The following SLC24A3 variants were observed in gnomAD, a reference collection of about 807,000 sequenced individuals.
The protein encoded by SLC24A3 is solute carrier family 24 member 3.
Under a neutral mutation model 75.8 loss-of-function variants are expected in SLC24A3, and 28 were observed. The observed-to-expected ratio is 0.37, with a 90% CI of 0.27 to 0.51. SLC24A3 has a LOEUF of 0.51. SLC24A3 is among the 20% of genes least tolerant of loss of function. The probability of loss-of-function intolerance (pLI) is 0.94; values close to 1 mark genes in which losing one functional copy is unlikely to be tolerated. For missense variants in SLC24A3, 663 were observed against 847.8 expected (o/e 0.78, Z 2.71); for synonymous variants, 372 against 334.1 (o/e 1.11, Z -1.24).
At chr20:19,638,337 T>C (rs1328568878) in intron 6 of SLC24A3, among the ~76,000 whole-genome samples, 1 of 152,188 alleles carries the variant, frequency 6.6e-6, no homozygotes, top group African/African-American at 2.4e-5. Context: ...TGAAAATAAA[T>C]AAAAGTGTAT....
At chr20:19,373,338 A>G (rs1314278433) in intron 2 of SLC24A3, among the ~76,000 whole-genome samples, 1 of 152,196 alleles carries the variant, frequency 6.6e-6, no homozygotes, top group East Asian at 1.9e-4. Context: ...TCCTCTGCAA[A>G]GGCAGAGCCT....
chr20:19,435,434 C>T (rs779497685), intron 2 of SLC24A3, among the ~76,000 whole-genome samples: 2 of 152,150 alleles, frequency 1.3e-5, no homozygotes, highest in African/African-American at 2.4e-5. Flanking sequence ...TAGTCTATAC[C>T]ATAGCATTAA....
At chr20:19,479,915 G>A (rs1488923513) in intron 2 of SLC24A3, among the ~76,000 whole-genome samples, 1 of 152,192 alleles carries the variant, frequency 6.6e-6, no homozygotes, top group Non-Finnish European at 1.5e-5. Flanking sequence ...AAATTTTAAA[G>A]GGCCTTGGCC....
At chr20:19,679,571 C>T (rs183629143) in intron 9 of SLC24A3, among the ~76,000 whole-genome samples, 14 of 139,396 alleles carry the variant, frequency 1.0e-4, no homozygotes, top group African/African-American at 3.1e-4. Context: ...GAGAGGGAGA[C>T]GGAGACGGAG....
chr20:19,325,785 TATATATATATAG>T (rs1984835452), intron 2 of SLC24A3, among the ~76,000 whole-genome samples: 159 of 95,116 alleles, frequency 1.7e-3, no homozygotes, highest in Non-Finnish European at 2.4e-3. Flanking sequence ...TACATATATA[TATATATATATAG>T]AGAGAGAGAG....
intron 1 of SLC24A3, among the ~76,000 whole-genome samples, chr20:19,260,163 C>G: frequency 6.6e-6 from 1 of 152,134 alleles, no homozygotes; most frequent in Admixed American, 6.6e-5. Flanking sequence ...TCAAGATCAC[C>G]TCTATTCTGC....
chr20:19,408,550 C>A (rs368385344), intron 2 of SLC24A3, among the ~76,000 whole-genome samples: 2 of 151,998 alleles, frequency 1.3e-5, no homozygotes, highest in East Asian at 1.9e-4. Context: ...CCACTACTCC[C>A]GGCTAATTTT....
chr20:19,457,324 A>G (rs1987595326), intron 2 of SLC24A3, among the ~76,000 whole-genome samples: 2 of 152,200 alleles, frequency 1.3e-5, no homozygotes, highest in South Asian at 4.1e-4. Flanking sequence ...CCTGAGCTGT[A>G]ACTTTAAAAT....
chr20:19,521,739 G>A (rs1245107926), intron 3 of SLC24A3, among the ~76,000 whole-genome samples: 1 of 152,238 alleles, frequency 6.6e-6, no homozygotes, highest in East Asian at 1.9e-4. Flanking sequence ...TTCCCTGGGT[G>A]CACTCCCCCA....
At position 19,693,262 on chromosome 20, in the gene SLC24A3, G is replaced by A. The variant is rs574653374; in HGVS notation, c.1328G>A (p.Gly443Asp). The A allele has an allele frequency of 5.4e-5, 86 of 1,605,028 alleles. No homozygotes were observed. In the South Asian group the frequency reaches 9.2e-4, roughly 17 times the overall value. ...GPYTPFDTPSGKLETVKWAFT... is the reference protein window; with the variant it reads ...GPYTPFDTPSDKLETVKWAFT... ...TTGGCCTTTTTCATTTTTCCAGCGG[G>A]TAAACTGGAAACAGTGAAATGGGCG... The change falls in exon 13 of 17, where the codon GGT (glycine) becomes GAT (aspartate). Residue 443 changes from glycine to aspartate, a missense_variant. Coordinates refer to ENST00000328041, the MANE Select transcript of SLC24A3 (RefSeq NM_020689.4).
intron 15 of SLC24A3, among the ~76,000 whole-genome samples, chr20:19,708,468 G>A (rs2032952704): frequency 6.6e-6 from 1 of 152,172 alleles, no homozygotes; most frequent in South Asian, 2.1e-4. Context: ...TGCTCCCTCT[G>A]CTAGAACCAG....
intron 6 of SLC24A3, among the ~76,000 whole-genome samples, chr20:19,639,737 G>A: frequency 6.6e-6 from 1 of 152,258 alleles, no homozygotes; most frequent in East Asian, 1.9e-4. Context: ...TGGGTGGGAG[G>A]CTCAGGCATG....
intron 2 of SLC24A3, among the ~76,000 whole-genome samples, chr20:19,453,109 G>T (rs1012990999): frequency 1.3e-5 from 2 of 152,098 alleles, no homozygotes; most frequent in Non-Finnish European, 2.9e-5. Flanking sequence ...GAACCTAGGA[G>T]GCAGAGGTTG....
chr20:19,459,946 A>G (rs1987641755), intron 2 of SLC24A3, among the ~76,000 whole-genome samples: 1 of 152,220 alleles, frequency 6.6e-6, no homozygotes, highest in Admixed American at 6.5e-5. Context: ...TTTGCAGATT[A>G]TGACACAGTA....
At chr20:19,693,512 G>C (rs2032771288) in intron 13 of SLC24A3, 87 bp downstream of exon 13, 2 of 1,497,724 alleles carry the variant, frequency 1.3e-6, no homozygotes, top group African/African-American at 1.4e-5. Flanking sequence ...GCCGATAACT[G>C]TACTAGTCAG....
At chr20:19,610,407 C>T (rs959979354) in intron 6 of SLC24A3, among the ~76,000 whole-genome samples, 6 of 152,178 alleles carry the variant, frequency 3.9e-5, no homozygotes, top group African/African-American at 1.4e-4. Flanking sequence ...TGGGACCCCA[C>T]AGATGCACAG....
At chr20:19,396,777 T>C (rs982259926) in intron 2 of SLC24A3, among the ~76,000 whole-genome samples, 3 of 152,164 alleles carry the variant, frequency 2.0e-5, no homozygotes, top group East Asian at 1.9e-4. Context: ...GATCATATAG[T>C]GTCTAAAAAA....
chr20:19,254,352 G>A (rs890155601), intron 1 of SLC24A3, among the ~76,000 whole-genome samples: 9 of 152,132 alleles, frequency 5.9e-5, no homozygotes, highest in Non-Finnish European at 7.4e-5. Flanking sequence ...CTGTGGGGAC[G>A]CGGCCTCCCC....
At chr20:19,434,791 T>C (rs1987168579) in intron 2 of SLC24A3, among the ~76,000 whole-genome samples, 1 of 151,834 alleles carries the variant, frequency 6.6e-6, no homozygotes, top group South Asian at 2.1e-4. Flanking sequence ...ATTTAATGCC[T>C]AATTAGGGAG....
Sources: gnomAD v4.1 joint callset for allele counts (sites outside exome capture counted in the v4.1 genomes callset) on GRCh38, gnomAD v4.1.1 for gene constraint, MANE v1.5 for transcripts, NCBI Gene and HGNC (gene_info 2026-07-23, HGNC 2026-07-21) for gene names.